Variants in SAMD12 observed in about 807,000 individuals in gnomAD.
SAMD12 encodes the protein sterile alpha motif domain containing 12, also known as sterile alpha motif domain-containing protein 12.
SAMD12 carries 9 observed loss-of-function variants against 15.0 expected under a neutral mutation model. The observed-to-expected ratio is 0.60, with a 90% confidence interval of 0.36 to 1.05. SAMD12 has a LOEUF of 1.05. SAMD12 is among the 50% of genes least tolerant of loss of function. SAMD12 has a pLI of 0.01. For synonymous variants in SAMD12, 86 were observed against 90.1 expected (o/e 0.96, Z 0.25); for missense variants, 230 against 234.2 (o/e 0.98, Z 0.12).
At chr8:118,258,641 G>C (rs766597645) in intron 4 of SAMD12, among the ~76,000 whole-genome samples, 1 of 152,064 alleles carries the variant, frequency 6.6e-6, no homozygotes, top group Non-Finnish European at 1.5e-5. Flanking sequence ...CATGGAAGCA[G>C]GAGTAAAAAG....
At chr8:118,215,132 A>G (rs1211833921) in intron 4 of SAMD12, among the ~76,000 whole-genome samples, 1 of 152,240 alleles carries the variant, frequency 6.6e-6, no homozygotes, top group East Asian at 1.9e-4. Context: ...GGCTCTGGCA[A>G]TTTTAATAAT....
At chr8:118,329,193 A>T (rs1816700028) in intron 4 of SAMD12, among the ~76,000 whole-genome samples, 1 of 152,146 alleles carries the variant, frequency 6.6e-6, no homozygotes, top group South Asian at 2.1e-4. Context: ...ACTCTGCAGA[A>T]ACCCCTTCCC....
chr8:118,299,175 T>C (rs1814884358), intron 4 of SAMD12, among the ~76,000 whole-genome samples: 1 of 152,150 alleles, frequency 6.6e-6, no homozygotes, highest in Non-Finnish European at 1.5e-5. Flanking sequence ...TAGGGTATGA[T>C]ACATGGGAAG....
At chr8:118,315,648 T>G (rs926657845) in intron 4 of SAMD12, among the ~76,000 whole-genome samples, 14 of 152,102 alleles carry the variant, frequency 9.2e-5, no homozygotes, top group Non-Finnish European at 2.1e-4. Context: ...TATTTTGGAA[T>G]AAACCTCACA....
chr8:118,191,801 TATATATATATAGAGAGAGAG>T (rs1819402212), exon 5 of SAMD12: 4 of 36,492 alleles, frequency 1.1e-4, no homozygotes, highest in Non-Finnish European at 2.1e-4. Context: ...TATATATATA[TATATATATATAGAGAGAGAG>T]AGAGAGAGAG....
intron 4 of SAMD12, among the ~76,000 whole-genome samples, chr8:118,277,449 A>G (rs1813501572): frequency 6.6e-6 from 1 of 152,184 alleles, no homozygotes; most frequent in African/African-American, 2.4e-5. Flanking sequence ...ACGTCTTGTT[A>G]TTCATCTTGC....
intron 2 of SAMD12, among the ~76,000 whole-genome samples, chr8:118,537,261 G>C (rs768213304): frequency 6.6e-6 from 1 of 151,910 alleles, no homozygotes; most frequent in African/African-American, 2.4e-5. Flanking sequence ...GGTAGTCTTT[G>C]GGTCAAATCT....
intron 3 of SAMD12, among the ~76,000 whole-genome samples, chr8:118,420,007 G>A (rs1288338797): frequency 2.6e-5 from 4 of 152,156 alleles, no homozygotes; most frequent in East Asian, 1.9e-4. Flanking sequence ...GAGAGAGGCT[G>A]ACAGAAAGAA....
chr8:118,165,174 C>T, the SAMD12 span, among the ~76,000 whole-genome samples: 1 of 152,122 alleles, frequency 6.6e-6, no homozygotes, highest in Non-Finnish European at 1.5e-5. Flanking sequence ...GTGGCTTGTG[C>T]TTCTGACTGA....
intron 3 of SAMD12, among the ~76,000 whole-genome samples, chr8:118,385,834 G>T (rs1215544109): frequency 1.3e-5 from 2 of 152,138 alleles, no homozygotes; most frequent in Non-Finnish European, 2.9e-5. Context: ...TATCAGAAAA[G>T]ATGTAAAAGA....
exon 5 of SAMD12, chr8:118,194,525 A>T (rs1819501357): frequency 6.6e-6 from 1 of 152,152 alleles, no homozygotes; most frequent in African/African-American, 2.4e-5. Flanking sequence ...TCTCATAATT[A>T]TTCATTTCTG....
chr8:118,338,169 C>T (rs964041800), intron 4 of SAMD12, among the ~76,000 whole-genome samples: 5 of 152,112 alleles, frequency 3.3e-5, no homozygotes, highest in Admixed American at 2.6e-4. Flanking sequence ...AACAGCTAAG[C>T]GTAATGTATA....
intron 4 of SAMD12, among the ~76,000 whole-genome samples, chr8:118,354,033 C>T (rs908037616): frequency 6.6e-6 from 1 of 152,224 alleles, no homozygotes; most frequent in Non-Finnish European, 1.5e-5. Flanking sequence ...ACACTTTTGC[C>T]ACTTAGGCCT....
intron 4 of SAMD12, among the ~76,000 whole-genome samples, chr8:118,232,723 C>A (rs1812344029): frequency 6.6e-6 from 1 of 151,946 alleles, no homozygotes; most frequent in Non-Finnish European, 1.5e-5. Context: ...GAAAGGGAGG[C>A]AAAGAGAAAG....
rs1825363577 is a variant in SAMD12 at position 118,520,636 on chromosome 8, G to T, written c.192+60079C>A. Among the ~76,000 whole-genome samples, 2 of 152,144 alleles carry T rather than the reference G, an allele frequency of 1.3e-5. 1 individual carries two copies. Among genetic ancestry groups the T allele is most frequent in the Non-Finnish European group, 2.9e-5 (2 of 68,016 alleles). On this transcript the variant is annotated intron_variant, in intron 2 of 3. Transcript: ENST00000314727. ...AATATTAAGAGATAAAGGACTAGAT[G>T]CCCAGGAAAAGTAATCAGAAAATCA...
chr8:118,236,055 G>A (rs893358339), intron 4 of SAMD12, among the ~76,000 whole-genome samples: 13 of 152,144 alleles, frequency 8.5e-5, no homozygotes, highest in Admixed American at 7.9e-4. Flanking sequence ...GATTAAATAA[G>A]CTGACATACA....
At chr8:118,296,337 T>C (rs1814712969) in intron 4 of SAMD12, among the ~76,000 whole-genome samples, 1 of 152,188 alleles carries the variant, frequency 6.6e-6, no homozygotes, top group Non-Finnish European at 1.5e-5. Flanking sequence ...TGAACTTGTG[T>C]TCAAAATGTT....
chr8:118,335,853 CAGCCTCCCT>C (rs748747370), intron 4 of SAMD12, among the ~76,000 whole-genome samples: 5 of 152,164 alleles, frequency 3.3e-5, no homozygotes, highest in Non-Finnish European at 5.9e-5. Context: ...GCAATCACCT[CAGCCTCCCT>C]AGTAGCTGGG....
At chr8:118,536,186 A>G (rs1232219370) in intron 2 of SAMD12, among the ~76,000 whole-genome samples, 1 of 152,126 alleles carries the variant, frequency 6.6e-6, no homozygotes, top group Non-Finnish European at 1.5e-5. Context: ...ATTAGGATAT[A>G]GGATACCAAA....
Sources: allele counts gnomAD v4.1 joint callset (sites outside exome capture counted in the v4.1 genomes callset), GRCh38; gene constraint gnomAD v4.1.1; transcripts MANE v1.5; gene names NCBI Gene and HGNC (gene_info 2026-07-23, HGNC 2026-07-21).